UIMC1: variants seen among roughly 807,000 people sequenced by gnomAD.
The protein encoded by UIMC1 is ubiquitin interaction motif containing 1, also known as BRCA1-A complex subunit RAP80.
In UIMC1, 42 loss-of-function variants were observed where a neutral mutation model predicts 84.9. The observed-to-expected ratio is 0.49, with a 90% CI of 0.39 to 0.64. The LOEUF (loss-of-function observed/expected upper bound fraction) is 0.64, where lower values mean the gene tolerates loss of function less well. Among genes scored for constraint, UIMC1 ranks in the 30% least tolerant of loss-of-function variants. UIMC1 has a pLI of 0.00. For missense variants in UIMC1, 825 were observed against 847.6 expected, an observed-to-expected ratio of 0.97 and a Z score of 0.33; for synonymous variants, 281 against 293.0, an observed-to-expected ratio of 0.96 and a Z score of 0.42.
intron 10 of UIMC1, among the ~76,000 whole-genome samples, chr5:176,913,193 C>T (rs1417744213): frequency 6.6e-6 from 1 of 152,158 alleles, no homozygotes; most frequent in African/African-American, 2.4e-5. Context: ...AAGAACTATA[C>T]CTAGTTACTA....
intron 2 of UIMC1, chr5:176,980,293 TGTCC>T (rs1282607556): frequency 6.6e-6 from 1 of 151,050 alleles, no homozygotes; most frequent in Non-Finnish European, 1.5e-5. Context: ...TCCACCCTTC[TGTCC>T]GTCCTTCTGT....
intron 10 of UIMC1, among the ~76,000 whole-genome samples, chr5:176,927,362 T>C (rs1484309607): frequency 6.6e-6 from 1 of 152,004 alleles, no homozygotes; most frequent in Non-Finnish European, 1.5e-5. Context: ...CAAGCGATTC[T>C]CCTGCCTCAG....
At chr5:177,009,997 A>T (rs766313920), upstream of UIMC1, among the ~76,000 whole-genome samples, 1 of 152,158 alleles carries the variant, frequency 6.6e-6, no homozygotes, top group Non-Finnish European at 1.5e-5. This position sits in a 1 kb window ranked among gnomAD's most constrained non-coding sequence, Gnocchi z 4.3. Context: ...GTCTCAAAAA[A>T]TTAAATTAAA....
chr5:177,009,581 G>GTA (rs1391894243), upstream of UIMC1, among the ~76,000 whole-genome samples: 7 of 152,080 alleles, frequency 4.6e-5, no homozygotes, highest in African/African-American at 1.7e-4. The surrounding 1 kb of genome is among the most constrained non-coding windows in gnomAD (Gnocchi z 4.3). Flanking sequence ...AGAGAATGAT[G>GTA]TATTATATAG....
intron 1 of UIMC1, among the ~76,000 whole-genome samples, chr5:177,005,439 C>T (rs1447614422): frequency 6.6e-6 from 1 of 152,000 alleles, no homozygotes; most frequent in Non-Finnish European, 1.5e-5. Context: ...AAGGTAAATG[C>T]ATACCTACAC....
rs371465584 is a variant in UIMC1 at position 176,982,442 on chromosome 5, T to C, written c.147+27A>G. The C allele has an allele frequency of 4.4e-6, 7 of 1,600,112 alleles. No homozygotes were observed. In the Admixed American group the frequency reaches 5.4e-5, roughly 12 times the overall value. ...AGAAGCATAGTTTGAGAGCTACAGCTCTACTTTTCAGCTCTACTTCACTAA... is the reference window on the plus strand; with the variant it reads ...AGAAGCATAGTTTGAGAGCTACAGCCCTACTTTTCAGCTCTACTTCACTAA... On this transcript the variant is annotated intron_variant, in intron 2 of 14. Transcript: ENST00000511320.
chr5:176,951,031 T>C (rs866950096), intron 9 of UIMC1, among the ~76,000 whole-genome samples: 14 of 152,174 alleles, frequency 9.2e-5, no homozygotes, highest in African/African-American at 2.9e-4. Context: ...TGACTTTGCA[T>C]TTCTGATCAA....
At chr5:177,019,929 A>T (rs75417238) in intron 1 of UIMC1, among the ~76,000 whole-genome samples, 1 of 68,176 alleles carries the variant, frequency 1.5e-5, no homozygotes, top group Non-Finnish European at 3.1e-5. Context: ...CTCCGTCTAT[A>T]AAAAAAAAAA....
At chr5:176,905,625 A>G (rs1365339160) in intron 14 of UIMC1, 133 bp from the exon 15 acceptor site, 1 of 825,264 alleles carries the variant, frequency 1.2e-6, no homozygotes, top group African/African-American at 1.7e-5. Context: ...ATCCCACCAC[A>G]TATCATCACT....
At chr5:177,008,085 A>G (rs368735757), upstream of UIMC1, among the ~76,000 whole-genome samples, 4 of 151,694 alleles carry the variant, frequency 2.6e-5, no homozygotes, top group East Asian at 7.7e-4. Flanking sequence ...AGCCTGGGTG[A>G]CAGAGTGAGA....
intron 1 of UIMC1, chr5:177,001,513 CA>C (rs1419770555): frequency 6.6e-6 from 1 of 152,018 alleles, no homozygotes. Flanking sequence ...TTTGGGAGCA[CA>C]GAACGTTATC....
chr5:176,986,749 C>G (rs182601234), intron 1 of UIMC1, among the ~76,000 whole-genome samples: 1 of 151,892 alleles, frequency 6.6e-6, no homozygotes, highest in East Asian at 1.9e-4. Context: ...GGCAACAGGG[C>G]ATGGTTCTAT....
intron 10 of UIMC1, among the ~76,000 whole-genome samples, chr5:176,911,936 C>A (rs1257344839): frequency 6.6e-6 from 1 of 152,172 alleles, no homozygotes; most frequent in African/African-American, 2.4e-5. Context: ...GGCTTTAGCC[C>A]AAATGATACA....
chr5:177,005,609 CTT>C (rs894708748), intron 1 of UIMC1, among the ~76,000 whole-genome samples: 2 of 151,858 alleles, frequency 1.3e-5, no homozygotes, highest in African/African-American at 2.4e-5. Context: ...CATGAGGAAA[CTT>C]AACGCAAACA....
At chr5:176,967,504 GC>G (rs1327474697) in intron 6 of UIMC1, among the ~76,000 whole-genome samples, 2 of 152,094 alleles carry the variant, frequency 1.3e-5, no homozygotes, top group Non-Finnish European at 1.5e-5. Flanking sequence ...GAACTGGCTG[GC>G]TAGGTGATAG....
intron 10 of UIMC1, among the ~76,000 whole-genome samples, chr5:176,926,630 C>G (rs1189291133): frequency 6.7e-6 from 1 of 149,406 alleles, no homozygotes; most frequent in Admixed American, 6.6e-5. Flanking sequence ...AAGCAAGACC[C>G]TGTCTCAAAC....
At chr5:176,915,991 T>C (rs1220959023) in intron 10 of UIMC1, among the ~76,000 whole-genome samples, 8 of 152,110 alleles carry the variant, frequency 5.3e-5, no homozygotes, top group Non-Finnish European at 1.2e-4. Flanking sequence ...TTGATATTGA[T>C]AGATGGTTAG....
rs182107844 is a variant in UIMC1, at chr5:176,968,416, G to A, written c.1200+139C>T. On this transcript the variant is annotated intron_variant, in intron 6 of 14. Transcript: ENST00000511320. ...GTTTTTTTCTTCTTTATACTCTCCT[G>A]TACTTTCCTAATTTTCTATAGTGAA... 57 of 1,241,104 alleles carry A rather than the reference G, an allele frequency of 4.6e-5. No individual in the cohort carries two copies. In the African/African-American group the frequency reaches 6.5e-4, roughly 14 times the overall value. 76.9% of individuals were successfully genotyped at this position (1,241,104 alleles called of 1,614,324 possible). A position where few individuals can be genotyped will look rare whatever the true frequency, so the allele number is the denominator to read the frequency against.
chr5:176,913,729 C>A (rs1760565092), intron 10 of UIMC1, among the ~76,000 whole-genome samples: 1 of 152,240 alleles, frequency 6.6e-6, no homozygotes, highest in Non-Finnish European at 1.5e-5. Context: ...GTAATCCCAA[C>A]ACTTTAGGAG....
Sources: gnomAD v4.1 joint callset for allele counts (sites outside exome capture counted in the v4.1 genomes callset) on GRCh38, gnomAD v4.1.1 for gene constraint, Gnocchi (gnomAD v3.1) non-coding constraint, MANE v1.5 for transcripts, NCBI Gene and HGNC (gene_info 2026-07-23, HGNC 2026-07-21) for gene names.